The following NAALADL2 variants were observed in gnomAD, a reference collection of about 807,000 sequenced individuals.
NAALADL2 encodes the protein inactive N-acetylated-alpha-linked acidic dipeptidase-like protein 2.
A neutral mutation model predicts 87.2 loss-of-function variants in NAALADL2; 76 were observed. That is an observed-to-expected ratio of 0.87 (90% CI 0.72 to 1.05). The LOEUF (loss-of-function observed/expected upper bound fraction) is 1.05, where lower values mean the gene tolerates loss of function less well. Ranked by LOEUF, NAALADL2 falls within the 50% of genes least tolerant of loss-of-function variation. NAALADL2 has a pLI of 0.00. For synonymous variants in NAALADL2, 354 were observed against 331.0 expected (o/e 1.07, Z -0.75); for missense variants, 1,089 against 945.8 (o/e 1.15, Z -1.99).
chr3:175,701,701 C>T (rs1403342658), intron 11 of NAALADL2, among the ~76,000 whole-genome samples: 3 of 152,054 alleles, frequency 2.0e-5, no homozygotes, highest in Non-Finnish European at 4.4e-5. Flanking sequence ...CATGACTGTG[C>T]TTGTTTGTAA....
At chr3:175,101,782 A>G (rs1252832212) in intron 2 of NAALADL2, among the ~76,000 whole-genome samples, 2 of 151,746 alleles carry the variant, frequency 1.3e-5, no homozygotes, top group African/African-American at 4.8e-5. Context: ...TGCCTTTGAC[A>G]GCTGTCGATG....
intron 1 of NAALADL2, among the ~76,000 whole-genome samples, chr3:174,545,032 T>C (rs1244648136): frequency 6.6e-6 from 1 of 152,052 alleles, no homozygotes; most frequent in Non-Finnish European, 1.5e-5. Flanking sequence ...TGCATCATCA[T>C]GCCTGACTAA....
chr3:175,422,291 A>G (rs980327717), intron 5 of NAALADL2, among the ~76,000 whole-genome samples: 1 of 152,134 alleles, frequency 6.6e-6, no homozygotes, highest in Admixed American at 6.6e-5. Flanking sequence ...CCTTCCTAAG[A>G]TATAATAGGG....
intron 3 of NAALADL2, among the ~76,000 whole-genome samples, chr3:175,236,694 T>C (rs2109533763): frequency 1.3e-5 from 2 of 152,102 alleles, no homozygotes; most frequent in Admixed American, 1.3e-4. Context: ...AGGGAGAAGG[T>C]CATTTGGAAG....
chr3:174,975,172 C>A (rs1383369123), intron 1 of NAALADL2, among the ~76,000 whole-genome samples: 1 of 152,098 alleles, frequency 6.6e-6, no homozygotes, highest in Non-Finnish European at 1.5e-5. Context: ...ATCCTGTTCC[C>A]ACTGTCTTCC....
chr3:175,610,345 T>C (rs187674360), intron 10 of NAALADL2, among the ~76,000 whole-genome samples: 92 of 152,290 alleles, frequency 6.0e-4, no homozygotes, highest in African/African-American at 2.1e-3. Flanking sequence ...TTTAACAATG[T>C]CAATGACTGT....
At chr3:175,260,377 T>C (rs1161255022) in intron 4 of NAALADL2, among the ~76,000 whole-genome samples, 5 of 152,156 alleles carry the variant, frequency 3.3e-5, no homozygotes, top group Non-Finnish European at 5.9e-5. Context: ...TAATTTCCAT[T>C]CTAGTCATCT....
At chr3:175,622,125 A>G (rs1295217636) in intron 10 of NAALADL2, among the ~76,000 whole-genome samples, 6 of 152,214 alleles carry the variant, frequency 3.9e-5, no homozygotes, top group Non-Finnish European at 4.4e-5. Context: ...TCTGATATGT[A>G]TTAACACTTA....
At chr3:174,715,135 CAAG>C (rs1731060330) in intron 2 of NAALADL2, among the ~76,000 whole-genome samples, 1 of 152,104 alleles carries the variant, frequency 6.6e-6, no homozygotes, top group Non-Finnish European at 1.5e-5. Flanking sequence ...GCTGCCTAGA[CAAG>C]AAGGTTTAAG....
chr3:174,756,575 A>G (rs556979512), intron 3 of NAALADL2, among the ~76,000 whole-genome samples: 2 of 152,388 alleles, frequency 1.3e-5, no homozygotes, highest in South Asian at 4.1e-4. Flanking sequence ...ATTAAGATGA[A>G]ACTATTAAAT....
intron 3 of NAALADL2, among the ~76,000 whole-genome samples, chr3:174,817,377 G>A (rs1389087757): frequency 2.0e-5 from 3 of 152,172 alleles, no homozygotes; most frequent in Non-Finnish European, 2.9e-5. Flanking sequence ...TCACGTGGGA[G>A]GATTGCTTGA....
At chr3:175,628,838 A>T (rs898825973) in intron 11 of NAALADL2, among the ~76,000 whole-genome samples, 1 of 150,346 alleles carries the variant, frequency 6.7e-6, no homozygotes, top group African/African-American at 2.4e-5. Context: ...TCTGTCTTTG[A>T]CCCTGAAGAG....
At chr3:175,145,271 A>G (rs1201934839) in intron 2 of NAALADL2, among the ~76,000 whole-genome samples, 1 of 151,986 alleles carries the variant, frequency 6.6e-6, no homozygotes, top group Non-Finnish European at 1.5e-5. Flanking sequence ...TTGGCTTGGT[A>G]TCACTTCCTT....
intron 2 of NAALADL2, among the ~76,000 whole-genome samples, chr3:175,187,780 A>G (rs1737566114): frequency 6.6e-6 from 1 of 152,138 alleles, no homozygotes; most frequent in Non-Finnish European, 1.5e-5. Context: ...GCTGCCTCCC[A>G]TATTATGGGC....
At chr3:174,630,284 G>A (rs142015160) in intron 2 of NAALADL2, among the ~76,000 whole-genome samples, 1 of 151,852 alleles carries the variant, frequency 6.6e-6, no homozygotes, top group African/African-American at 2.4e-5. Context: ...TTTGAGAAAG[G>A]GCAAAGAATT....
intron 11 of NAALADL2, among the ~76,000 whole-genome samples, chr3:175,641,747 A>G (rs768730409): frequency 2.4e-4 from 36 of 152,152 alleles, no homozygotes; most frequent in Admixed American, 3.3e-4. Context: ...TCAGGCTAAA[A>G]TTTTCCTACT....
At chr3:175,264,281 C>T in intron 4 of NAALADL2, among the ~76,000 whole-genome samples, 1 of 150,972 alleles carries the variant, frequency 6.6e-6, no homozygotes, top group East Asian at 1.9e-4. Flanking sequence ...GACAAAAATA[C>T]TCTCAATTCA....
chr3:174,620,540 T>G (rs990699661), intron 2 of NAALADL2, among the ~76,000 whole-genome samples: 1 of 152,044 alleles, frequency 6.6e-6, no homozygotes, highest in Non-Finnish European at 1.5e-5. Flanking sequence ...ACAGATTTCT[T>G]TTGGCCTAGA....
chr3:175,529,070 GA>G (rs1427541161), intron 9 of NAALADL2, among the ~76,000 whole-genome samples: 1 of 152,176 alleles, frequency 6.6e-6, no homozygotes, highest in Non-Finnish European at 1.5e-5. Flanking sequence ...GTCCTGCCTG[GA>G]TTGAGCTATA....
Sources: gnomAD v4.1 joint callset for allele counts (sites outside exome capture counted in the v4.1 genomes callset) on GRCh38, gnomAD v4.1.1 for gene constraint, MANE v1.5 for transcripts, NCBI Gene and HGNC (gene_info 2026-07-23, HGNC 2026-07-21) for gene names.